MRTFA: variants seen among roughly 807,000 people sequenced by gnomAD.
MRTFA encodes the protein myocardin-related transcription factor A.
MRTFA carries 20 observed loss-of-function variants against 83.5 expected under a neutral mutation model. That is an observed-to-expected ratio of 0.24 (90% CI 0.17 to 0.35). The LOEUF (loss-of-function observed/expected upper bound fraction) is 0.35. MRTFA is among the 10% of genes least tolerant of loss of function. The probability of loss-of-function intolerance (pLI) is 1.00; values close to 1 mark genes in which losing one functional copy is unlikely to be tolerated. For missense variants in MRTFA, 1,200 were observed against 1,224.7 expected (o/e 0.98, Z 0.30); for synonymous variants, 659 against 541.2 (o/e 1.22, Z -3.02).
At chr22:40,628,228 C>A (rs2056602820) in intron 1 of MRTFA, among the ~76,000 whole-genome samples, 1 of 152,148 alleles carries the variant, frequency 6.6e-6, no homozygotes, top group Non-Finnish European at 1.5e-5. Context: ...AGCTGAATCA[C>A]AGGAAGGTTA....
Position 40,416,368 on chromosome 22 carries a change from G to A in MRTFA, c.2578+618C>T, listed in dbSNP as rs747137833. On this transcript the variant is annotated intron_variant, in intron 14 of 14. Transcript: ENST00000355630. This position sits in a 1 kb window ranked among gnomAD's most constrained non-coding sequence, Gnocchi z 4.2. ...GGGCTCCCTGCTTCTGCCCTTGCAC[G>A]GCTACTATCGCCTGGGTCCTGCATC... 7.2e-5 allele frequency among the ~76,000 whole-genome samples: 11 copies of A among 152,206 alleles called. No homozygotes were observed. Among genetic ancestry groups the A allele is most frequent in the South Asian group, 2.1e-4 (1 of 4,828 alleles).
intron 1 of MRTFA, among the ~76,000 whole-genome samples, chr22:40,596,298 G>T (rs1022482070): frequency 2.6e-5 from 4 of 152,118 alleles, no homozygotes; most frequent in African/African-American, 9.7e-5. Context: ...TAAATTTAGA[G>T]GTTTGACTGT....
In MRTFA at chr22:40,421,020, G is replaced by A; in HGVS notation, c.1008C>T (p.Leu336=). The A allele has an allele frequency of 1.3e-6, 2 of 1,592,916 alleles. No individual in the cohort carries two copies. Among genetic ancestry groups the A allele is most frequent in the Non-Finnish European group, 1.7e-6 (2 of 1,167,456 alleles). The change falls in exon 10 of 15, where the codon CTC becomes CTT. Residue 336 remains leucine (L), a synonymous_variant. Coordinates refer to ENST00000355630, the MANE Select transcript of MRTFA (RefSeq NM_020831.6). Reference sequence around the variant, plus strand: ...CCGGGGGGATGTACTGGTGGTACTTGAGCTTCTTCACCTTTGGCTTCAGCT... The same window carrying A: ...CCGGGGGGATGTACTGGTGGTACTTAAGCTTCTTCACCTTTGGCTTCAGCT...
chr22:40,628,747 G>A (rs2056608325), intron 1 of MRTFA, among the ~76,000 whole-genome samples: 1 of 152,080 alleles, frequency 6.6e-6, no homozygotes, highest in Non-Finnish European at 1.5e-5. Context: ...TAAATACTGT[G>A]TGAGGAACTG....
chr22:40,471,017 A>C, intron 3 of MRTFA, among the ~76,000 whole-genome samples: 1 of 152,052 alleles, frequency 6.6e-6, no homozygotes, highest in Non-Finnish European at 1.5e-5. Context: ...TTGTTGTTTG[A>C]AAAGAACAAA....
chr22:40,444,223 G>T (rs955904765), intron 4 of MRTFA, among the ~76,000 whole-genome samples: 2 of 152,130 alleles, frequency 1.3e-5, no homozygotes, highest in Non-Finnish European at 2.9e-5. Flanking sequence ...CGGTGAACCA[G>T]AATACAGAAT....
At chr22:40,618,991 A>AT (rs202123308) in intron 1 of MRTFA, among the ~76,000 whole-genome samples, 11,876 of 150,312 alleles carry the variant, frequency 0.079, 683 homozygotes, top group East Asian at 0.24. Context: ...TAATAATTAA[A>AT]AATATATATA....
chr22:40,514,568 G>A (rs1278422131), intron 3 of MRTFA, among the ~76,000 whole-genome samples: 1 of 150,210 alleles, frequency 6.7e-6, no homozygotes, highest in Non-Finnish European at 1.5e-5. Flanking sequence ...TCCACCTCCC[G>A]GGTTCAAGCA....
intron 14 of MRTFA, among the ~76,000 whole-genome samples, chr22:40,413,545 G>C (rs2052608564): frequency 6.6e-6 from 1 of 152,018 alleles, no homozygotes; most frequent in African/African-American, 2.4e-5. Flanking sequence ...CTGACCTCGT[G>C]ATCCGCCTGC....
At chr22:40,467,555 A>G (rs767820204) in intron 3 of MRTFA, among the ~76,000 whole-genome samples, 1 of 152,162 alleles carries the variant, frequency 6.6e-6, no homozygotes, top group Non-Finnish European at 1.5e-5. Flanking sequence ...TAAATACCAC[A>G]GAGCCATATG....
chr22:40,467,681 C>T (rs1179180113), intron 3 of MRTFA, among the ~76,000 whole-genome samples: 1 of 151,936 alleles, frequency 6.6e-6, no homozygotes, highest in Non-Finnish European at 1.5e-5. Flanking sequence ...TTTTCACAGA[C>T]AGTATAAGCC....
At chr22:40,547,553 GAA>G (rs2055384704) in intron 3 of MRTFA, among the ~76,000 whole-genome samples, 1 of 152,102 alleles carries the variant, frequency 6.6e-6, no homozygotes, top group Non-Finnish European at 1.5e-5. Flanking sequence ...ATAAGGGTAA[GAA>G]ATGATGTGAG....
chr22:40,514,901 T>A (rs1054331246), intron 3 of MRTFA, among the ~76,000 whole-genome samples: 1 of 150,060 alleles, frequency 6.7e-6, no homozygotes, highest in Non-Finnish European at 1.5e-5. Flanking sequence ...ATTTCTCCAA[T>A]ATTTCTTCCT....
chr22:40,548,702 A>T (rs2055403649), intron 3 of MRTFA, among the ~76,000 whole-genome samples: 2 of 152,006 alleles, frequency 1.3e-5, no homozygotes, highest in South Asian at 4.2e-4. Flanking sequence ...CATCTCTACT[A>T]AAAATACAAA....
intron 3 of MRTFA, among the ~76,000 whole-genome samples, chr22:40,533,266 C>T (rs1488203126): frequency 6.6e-6 from 1 of 152,116 alleles, no homozygotes. Context: ...AACAGCAAAG[C>T]AATTTAATTG....
intron 3 of MRTFA, among the ~76,000 whole-genome samples, chr22:40,539,443 G>A (rs1160688490): frequency 2.7e-5 from 4 of 150,322 alleles, no homozygotes; most frequent in East Asian, 2.0e-4. Flanking sequence ...GGGTTCAAGC[G>A]ATTCTCCTGC....
intron 3 of MRTFA, among the ~76,000 whole-genome samples, chr22:40,517,779 T>G (rs1443544712): frequency 6.6e-6 from 1 of 152,162 alleles, no homozygotes; most frequent in Non-Finnish European, 1.5e-5. Flanking sequence ...GTTAATGAGC[T>G]GACTTTGGAA....
intron 2 of MRTFA, among the ~76,000 whole-genome samples, chr22:40,581,679 C>A (rs1481704393): frequency 1.3e-5 from 2 of 152,090 alleles, no homozygotes; most frequent in African/African-American, 4.8e-5. Flanking sequence ...TGTGCATCCA[C>A]AGAGTCAGAC....
chr22:40,627,153 A>AT (rs1569359072), intron 1 of MRTFA, among the ~76,000 whole-genome samples: 2 of 152,104 alleles, frequency 1.3e-5, no homozygotes, highest in South Asian at 2.1e-4. Context: ...TTATTTGGTA[A>AT]TTTTTTTGTT....
Sources: gnomAD v4.1 joint callset for allele counts (sites outside exome capture counted in the v4.1 genomes callset) on GRCh38, gnomAD v4.1.1 for gene constraint, Gnocchi (gnomAD v3.1) non-coding constraint, MANE v1.5 for transcripts, NCBI Gene and HGNC (gene_info 2026-07-23, HGNC 2026-07-21) for gene names.